The following DMRT1 variants were observed in gnomAD, a reference collection of about 807,000 sequenced individuals.
The protein encoded by DMRT1 is doublesex and mab-3 related transcription factor 1.
In DMRT1, 7 loss-of-function variants were observed where a neutral mutation model predicts 32.3. The observed-to-expected ratio is 0.22, with a 90% CI of 0.12 to 0.41. The LOEUF (loss-of-function observed/expected upper bound fraction) is 0.41. DMRT1 is among the 10% of genes least tolerant of loss of function. The pLI is 1.00. For synonymous variants in DMRT1, 278 were observed against 206.1 expected, an observed-to-expected ratio of 1.35 and a Z score of -2.99; for missense variants, 625 against 500.5, an observed-to-expected ratio of 1.25 and a Z score of -2.37.
At chr9:906,942 A>G (rs978964837) in intron 3 of DMRT1, among the ~76,000 whole-genome samples, 3 of 152,306 alleles carry the variant, frequency 2.0e-5, no homozygotes, top group African/African-American at 4.8e-5. Context: ...GTTTCTTCCT[A>G]TATCAATGAT....
chr9:943,027 G>T (rs1299340960), intron 4 of DMRT1, among the ~76,000 whole-genome samples: 2 of 150,924 alleles, frequency 1.3e-5, no homozygotes, highest in Non-Finnish European at 2.9e-5. Flanking sequence ...GAAGTATACA[G>T]GATATCTGTG....
chr9:853,659 C>T (rs748025480), intron 2 of DMRT1, among the ~76,000 whole-genome samples: 3 of 151,654 alleles, frequency 2.0e-5, no homozygotes, highest in Non-Finnish European at 4.4e-5. Context: ...TTTAAATTAG[C>T]CACTCCCACT....
intron 4 of DMRT1, among the ~76,000 whole-genome samples, chr9:918,927 C>T (rs1324427101): frequency 1.3e-5 from 2 of 152,140 alleles, no homozygotes; most frequent in Non-Finnish European, 2.9e-5. Context: ...TCAGTAAGGA[C>T]ACCTCAAAGG....
chr9:854,115 T>TC (rs1172264224), intron 2 of DMRT1, among the ~76,000 whole-genome samples: 4 of 151,018 alleles, frequency 2.6e-5, no homozygotes, highest in Non-Finnish European at 4.4e-5. Flanking sequence ...TAAGCCCATT[T>TC]TTTTTTTTTA....
chr9:856,105 C>G (rs189598453), intron 2 of DMRT1, among the ~76,000 whole-genome samples: 3 of 151,478 alleles, frequency 2.0e-5, no homozygotes, highest in Non-Finnish European at 2.9e-5. Context: ...TTAGTAGAGA[C>G]GAGGTTTCAC....
chr9:941,338 C>CCACACA (rs202223267), intron 4 of DMRT1, among the ~76,000 whole-genome samples: 6 of 135,502 alleles, frequency 4.4e-5, no homozygotes, highest in African/African-American at 1.5e-4. Flanking sequence ...CTCCCCCCCC[C>CCACACA]CACACATATG....
chr9:947,899 A>T (rs1340408907), intron 4 of DMRT1, among the ~76,000 whole-genome samples: 1 of 152,136 alleles, frequency 6.6e-6, no homozygotes, highest in Admixed American at 6.5e-5. Context: ...AGCTTCTTTG[A>T]TGAATGGATT....
At chr9:854,932 AT>A (rs796854178) in intron 2 of DMRT1, among the ~76,000 whole-genome samples, 1 of 127,592 alleles carries the variant, frequency 7.8e-6, no homozygotes. Context: ...CGCCAGGCTA[AT>A]TTTTTTTGTA....
At chr9:950,001 T>TG (rs1353787058) in intron 4 of DMRT1, among the ~76,000 whole-genome samples, 1 of 152,212 alleles carries the variant, frequency 6.6e-6, no homozygotes, top group African/African-American at 2.4e-5. Context: ...TTGGGTACTG[T>TG]GACTAGTGCT....
At chr9:910,656 A>G (rs954850611) in intron 3 of DMRT1, among the ~76,000 whole-genome samples, 4 of 152,152 alleles carry the variant, frequency 2.6e-5, no homozygotes, top group Non-Finnish European at 4.4e-5. Context: ...CATATTCTTA[A>G]CAATTTAATA....
chr9:865,021 C>G (rs1419678877), intron 2 of DMRT1, among the ~76,000 whole-genome samples: 1 of 152,148 alleles, frequency 6.6e-6, no homozygotes, highest in African/African-American at 2.4e-5. Flanking sequence ...CTTATTCTTA[C>G]CAGTGTGGTC....
At chr9:947,553 G>A (rs765452524) in intron 4 of DMRT1, among the ~76,000 whole-genome samples, 7 of 152,306 alleles carry the variant, frequency 4.6e-5, no homozygotes, top group South Asian at 2.1e-4. Flanking sequence ...GGAGATTGGC[G>A]AAATCATAAC....
At chr9:947,165 T>C (rs1339511722) in intron 4 of DMRT1, among the ~76,000 whole-genome samples, 1 of 152,214 alleles carries the variant, frequency 6.6e-6, no homozygotes, top group African/African-American at 2.4e-5. Context: ...AGCTTGTCCA[T>C]CCCACAGGAC....
intron 2 of DMRT1, among the ~76,000 whole-genome samples, chr9:866,358 G>A (rs1589470632): frequency 6.6e-6 from 1 of 152,072 alleles, no homozygotes; most frequent in East Asian, 1.9e-4. Flanking sequence ...TGGGACAAGG[G>A]AATGTCATAA....
chr9:877,373 G>T (rs1816547393), intron 2 of DMRT1, among the ~76,000 whole-genome samples: 1 of 152,216 alleles, frequency 6.6e-6, no homozygotes, highest in African/African-American at 2.4e-5. Context: ...AGGAGGCGAT[G>T]GTAGAGGAGA....
At chr9:860,165 C>T (rs1387450994) in intron 2 of DMRT1, among the ~76,000 whole-genome samples, 1 of 152,024 alleles carries the variant, frequency 6.6e-6, no homozygotes, top group Non-Finnish European at 1.5e-5. Flanking sequence ...GGCGTGGTGG[C>T]GCATGCCTGT....
chr9:842,934 T>C (rs979276124), intron 1 of DMRT1: 1 of 152,214 alleles, frequency 6.6e-6, no homozygotes, highest in Admixed American at 6.5e-5. Flanking sequence ...GTCTTCAGGA[T>C]CTTCGCTCCC....
chr9:861,579 C>T (rs1007829728), intron 2 of DMRT1, among the ~76,000 whole-genome samples: 2 of 152,380 alleles, frequency 1.3e-5, no homozygotes, highest in East Asian at 1.9e-4. Context: ...CTGTTGGGTA[C>T]ACCTCCCAGA....
At chr9:857,347 T>C (rs1465570675) in intron 2 of DMRT1, among the ~76,000 whole-genome samples, 1 of 151,928 alleles carries the variant, frequency 6.6e-6, no homozygotes, top group African/African-American at 2.4e-5. Flanking sequence ...ATATAATATG[T>C]ATATATATAT....
Sources: allele counts gnomAD v4.1 joint callset (sites outside exome capture counted in the v4.1 genomes callset), GRCh38; gene constraint gnomAD v4.1.1; transcripts MANE v1.5; gene names NCBI Gene and HGNC (gene_info 2026-07-23, HGNC 2026-07-21).